The following FBXL13 variants were observed in gnomAD, a reference collection of about 807,000 sequenced individuals.
The protein encoded by FBXL13 is F-box and leucine-rich repeat protein 13.
Under a neutral mutation model 83.6 loss-of-function variants are expected in FBXL13, and 67 were observed. The observed-to-expected ratio is 0.80, with a 90% confidence interval of 0.66 to 0.98. The LOEUF (loss-of-function observed/expected upper bound fraction) is 0.98, where lower values mean the gene tolerates loss of function less well. FBXL13 is among the 50% of genes least tolerant of loss of function. FBXL13 has a pLI of 0.00. For synonymous variants in FBXL13, 272 were observed against 299.5 expected, an observed-to-expected ratio of 0.91 and a Z score of 0.95; for missense variants, 822 against 866.5, an observed-to-expected ratio of 0.95 and a Z score of 0.64.
intron 8 of FBXL13, chr7:102,942,256 G>C: frequency 1.3e-6 from 2 of 1,557,678 alleles, no homozygotes; most frequent in East Asian, 4.6e-5. Flanking sequence ...ATGACCTAAA[G>C]AAGTTTTAAA....
At chr7:102,959,816 T>A (rs1414005348) in intron 8 of FBXL13, among the ~76,000 whole-genome samples, 2 of 151,966 alleles carry the variant, frequency 1.3e-5, no homozygotes, top group African/African-American at 4.8e-5. Flanking sequence ...GTCCATCAAA[T>A]AGAAGAAGGT....
intron 17 of FBXL13, among the ~76,000 whole-genome samples, chr7:102,835,670 C>T (rs867536941): frequency 2.9e-4 from 29 of 100,168 alleles, no homozygotes; most frequent in Middle Eastern, 0.016. Context: ...AGTGCAGTGG[C>T]GCAATCTCGG....
chr7:102,986,458 G>T (rs1345560888), intron 6 of FBXL13, among the ~76,000 whole-genome samples: 35 of 152,142 alleles, frequency 2.3e-4, no homozygotes, highest in Admixed American at 2.3e-3. Flanking sequence ...CTGCCTTGAG[G>T]CCATGGTCCC....
chr7:102,948,892 A>C (rs187276123), intron 8 of FBXL13, among the ~76,000 whole-genome samples: 1 of 152,026 alleles, frequency 6.6e-6, no homozygotes, highest in East Asian at 1.9e-4. Flanking sequence ...TTGTATTTTT[A>C]GTAAAGACAA....
intron 19 of FBXL13, among the ~76,000 whole-genome samples, chr7:102,818,560 G>A (rs1417553696): frequency 6.6e-6 from 1 of 152,142 alleles, no homozygotes; most frequent in Non-Finnish European, 1.5e-5. Context: ...GGAGAACTCT[G>A]ATAAGAGTTT....
chr7:102,822,479 G>A (rs7810924), intron 18 of FBXL13: 1 of 568,626 alleles, frequency 1.8e-6, no homozygotes, highest in East Asian at 4.1e-5. Context: ...TCTAGTCTTT[G>A]TCTTCTTATA....
At chr7:102,819,263 G>A (rs570264021) in intron 19 of FBXL13, among the ~76,000 whole-genome samples, 74 of 152,146 alleles carry the variant, frequency 4.9e-4, no homozygotes, top group South Asian at 1.5e-3. Flanking sequence ...ATAGCTTGTC[G>A]TTTTCTGATC....
chr7:102,834,080 G>GAAA (rs1376149675), intron 17 of FBXL13, among the ~76,000 whole-genome samples: 1 of 91,600 alleles, frequency 1.1e-5, no homozygotes, highest in East Asian at 3.7e-4. Flanking sequence ...AAGGAAGGAA[G>GAAA]GAAAGAAAAG....
At chr7:102,929,012 C>T (rs956045668) in intron 9 of FBXL13, among the ~76,000 whole-genome samples, 1 of 152,132 alleles carries the variant, frequency 6.6e-6, no homozygotes, top group South Asian at 2.1e-4. Context: ...TGTTAAAGTA[C>T]AAGCCACTGA....
intron 10 of FBXL13, among the ~76,000 whole-genome samples, chr7:102,913,910 G>A (rs750869876): frequency 1.3e-5 from 2 of 152,108 alleles, no homozygotes; most frequent in East Asian, 1.9e-4. Flanking sequence ...TATAAATCTC[G>A]CTGGAGTTGA....
intron 8 of FBXL13, chr7:102,933,893 T>C (rs1394039054): frequency 3.8e-6 from 6 of 1,573,902 alleles, no homozygotes; most frequent in Admixed American, 1.8e-5. Context: ...ACGAAGTAAT[T>C]GGGGCCAGCT....
intron 16 of FBXL13, among the ~76,000 whole-genome samples, chr7:102,862,774 G>A (rs1807052686): frequency 6.6e-6 from 1 of 152,146 alleles, no homozygotes; most frequent in Non-Finnish European, 1.5e-5. Context: ...TTTTGAAATA[G>A]CATCTTCCTT....
chr7:102,867,843 G>A (rs1288720307), intron 16 of FBXL13, among the ~76,000 whole-genome samples: 2 of 150,970 alleles, frequency 1.3e-5, no homozygotes, highest in East Asian at 3.9e-4. Flanking sequence ...TGGGACTACA[G>A]GTGCCTGCCA....
chr7:102,880,099 T>G (rs1230499756), intron 14 of FBXL13, among the ~76,000 whole-genome samples: 4 of 152,222 alleles, frequency 2.6e-5, no homozygotes, highest in Non-Finnish European at 4.4e-5. Flanking sequence ...TAATTTATCT[T>G]TTTGTTGCTG....
chr7:103,073,131 C>T lies in FBXL13; in HGVS notation c.-105+1115G>A, dbSNP rs1799161739. Among the ~76,000 whole-genome samples the T allele has an allele frequency of 1.3e-5, 2 of 152,146 alleles. 1 individual carries two copies. The highest frequency in any genetic ancestry group is 4.1e-4 in the South Asian group (2 of 4,830). ...AAAAGTTAGAATTCTCCATCTTTTCCCCCAAAACCATTCCACAAGACATCT... is the reference window on the plus strand; with the variant it reads ...AAAAGTTAGAATTCTCCATCTTTTCTCCCAAAACCATTCCACAAGACATCT... On this transcript the variant is annotated intron_variant, in intron 1 of 19. Coordinates refer to ENST00000313221, the Ensembl canonical transcript of FBXL13.
chr7:103,072,890 C>A lies in FBXL13; in HGVS notation c.-105+1356G>T, dbSNP rs969521277. On this transcript the variant is annotated intron_variant, in intron 1 of 19. Coordinates refer to ENST00000313221, the Ensembl canonical transcript of FBXL13. ...TTAGCTCCCTAACCTACTGCCTTTC[C>A]ATTCTATTAATATATGCCTGGCAAA... Among the ~76,000 whole-genome samples, 3 of 152,202 alleles carry A rather than the reference C, an allele frequency of 2.0e-5. No homozygotes were observed. The South Asian group carries it at 6.2e-4, about 31-fold the overall frequency.
At chr7:103,015,317 A>C (rs1426421969) in intron 6 of FBXL13, among the ~76,000 whole-genome samples, 1 of 152,224 alleles carries the variant, frequency 6.6e-6, no homozygotes, top group Non-Finnish European at 1.5e-5. Flanking sequence ...ACTCCTATTC[A>C]ACACAGTACT....
At chr7:102,926,338 C>T in exon 10 of FBXL13, 1 of 1,613,920 alleles carries the variant, frequency 6.2e-7, no homozygotes, top group Non-Finnish European at 8.5e-7. Flanking sequence ...CACAGGACCC[C>T]CGGGCAGCCC....
At chr7:102,911,293 T>C (rs779580851) in intron 11 of FBXL13, among the ~76,000 whole-genome samples, 7 of 152,190 alleles carry the variant, frequency 4.6e-5, no homozygotes, top group Non-Finnish European at 8.8e-5. Flanking sequence ...TTGTGTGTTG[T>C]TGCTACAATA....
Sources: allele counts gnomAD v4.1 joint callset (sites outside exome capture counted in the v4.1 genomes callset), GRCh38; gene constraint gnomAD v4.1.1; transcripts MANE v1.5; gene names NCBI Gene and HGNC (gene_info 2026-07-23, HGNC 2026-07-21).